GALNT7: variants seen among roughly 807,000 people sequenced by gnomAD.
The protein encoded by GALNT7 is polypeptide N-acetylgalactosaminyltransferase 7.
GALNT7 carries 60 observed loss-of-function variants against 82.1 expected under a neutral mutation model. The observed-to-expected ratio is 0.73, with a 90% CI of 0.59 to 0.91. The LOEUF (loss-of-function observed/expected upper bound fraction) is 0.91. GALNT7 is among the 40% of genes least tolerant of loss of function. The pLI, the probability that GALNT7 is intolerant of heterozygous loss-of-function variation, is 0.00. For synonymous variants in GALNT7, 243 were observed against 275.1 expected (o/e 0.88, Z 1.15); for missense variants, 660 against 804.2 (o/e 0.82, Z 2.17).
chr4:173,279,316 A>G (rs535858651), intron 2 of GALNT7, among the ~76,000 whole-genome samples: 76 of 152,108 alleles, frequency 5.0e-4, no homozygotes, highest in African/African-American at 1.8e-3. Flanking sequence ...TAAACAACCA[A>G]ATCTCACCAG....
chr4:173,224,707 G>A (rs571664522), intron 1 of GALNT7, among the ~76,000 whole-genome samples: 1 of 152,116 alleles, frequency 6.6e-6, no homozygotes, highest in Admixed American at 6.6e-5. Context: ...CTGTCCCTGG[G>A]GAGTTTTTAA....
At chr4:173,174,419 T>C (rs1034912228) in intron 1 of GALNT7, among the ~76,000 whole-genome samples, 1 of 152,254 alleles carries the variant, frequency 6.6e-6, no homozygotes, top group East Asian at 1.9e-4. Context: ...GCTAATTTTA[T>C]GGAAGGCACA....
intron 1 of GALNT7, among the ~76,000 whole-genome samples, chr4:173,211,628 G>A (rs2126672035): frequency 6.6e-6 from 1 of 152,354 alleles, no homozygotes; most frequent in Non-Finnish European, 1.5e-5. Context: ...GAAATTTAAT[G>A]TAAAATATCC....
rs1736558473 is a variant in GALNT7 at position 173,292,068 on chromosome 4, A to G, written c.588-40A>G. The G allele has an allele frequency of 7.1e-7, 1 of 1,408,166 alleles. No individual in the cohort carries two copies. 87.2% of individuals were successfully genotyped at this position (1,408,166 alleles called of 1,614,324 possible). A position where few individuals can be genotyped will look rare whatever the true frequency, so the allele number is the denominator to read the frequency against. ...GTCAGCTTGGAGCCAAGCAGTATAG[A>G]TTACCTGTAAATAAATATGATGAAA... On this transcript the variant is annotated intron_variant, in intron 2 of 11. Coordinates refer to ENST00000265000, the MANE Select transcript of GALNT7 (RefSeq NM_017423.3). This position sits in a 1 kb window ranked among gnomAD's most constrained non-coding sequence, Gnocchi z 4.8.
At chr4:173,294,050 T>C (rs1194650688) in intron 3 of GALNT7, among the ~76,000 whole-genome samples, 2 of 152,198 alleles carry the variant, frequency 1.3e-5, no homozygotes, top group Admixed American at 1.3e-4. Flanking sequence ...TGTACCACAG[T>C]GTGAAATACA....
rs373071789 is a variant in GALNT7 at position 173,298,305 on chromosome 4, C to T, written c.1148+8C>T. On this transcript the variant is annotated splice_region_variant and intron_variant, in intron 6 of 11. Transcript: ENST00000265000. ...AAAAACTGAACCGTATCGGTAATCA[C>T]TAAATCACTTACATATTTTTCTTTT... 5.9e-6 allele frequency: 9 copies of T among 1,531,716 alleles called. No homozygotes were observed. Among genetic ancestry groups the T allele is most frequent in the Non-Finnish European group, 7.9e-6 (9 of 1,142,788 alleles). The allele number at this position is 1,531,716 out of a possible 1,614,324, so 94.9% of individuals were successfully genotyped here.
chr4:173,318,969 C>G (rs1737705132), intron 11 of GALNT7, among the ~76,000 whole-genome samples: 1 of 151,854 alleles, frequency 6.6e-6, no homozygotes, highest in Non-Finnish European at 1.5e-5. Context: ...TTGATATTGT[C>G]CAGCAGGTGG....
chr4:173,236,578 A>G (rs1226365508), intron 1 of GALNT7, among the ~76,000 whole-genome samples: 3 of 152,158 alleles, frequency 2.0e-5, no homozygotes, highest in Non-Finnish European at 4.4e-5. Flanking sequence ...ACTTGCCAGT[A>G]TCTCAAGTTT....
At position 173,248,268 on chromosome 4, in the gene GALNT7, G is replaced by A; in HGVS notation, c.415G>A (p.Glu139Lys). The A allele has an allele frequency of 6.2e-7, 1 of 1,613,976 alleles. No individual in the cohort carries two copies. The highest frequency in any genetic ancestry group is 8.5e-7 in the Non-Finnish European group (1 of 1,179,912). ...GATCCTCGGTAACTTTGAACCCAAA[G>A]AACCTGAGCCTCCTGGAGTGGTTGG... ...PGILGNFEPK[E>K]PEPPGVVGGP... is the part of the protein sequence containing the mutation. Residue 139 changes from glutamate to lysine, a missense_variant, in exon 2 of 12, where the codon GAA becomes AAA. Glu to Lys is a moderately conservative substitution (Grantham distance 56). Transcript: ENST00000265000.
chr4:173,303,323 GA>G (rs1188573343), intron 7 of GALNT7, among the ~76,000 whole-genome samples: 6 of 152,126 alleles, frequency 3.9e-5, no homozygotes. Context: ...GTAGCATGGG[GA>G]AAAGTACAAA....
intron 6 of GALNT7, 88 bp downstream of exon 6, chr4:173,298,385 A>G: frequency 1.2e-6 from 1 of 819,856 alleles, no homozygotes; most frequent in East Asian, 2.7e-5. Flanking sequence ...TCGTTATTAA[A>G]ACTGTAGATG....
chr4:173,251,740 A>C (rs1360481960), intron 2 of GALNT7, among the ~76,000 whole-genome samples: 1 of 152,202 alleles, frequency 6.6e-6, no homozygotes, highest in African/African-American at 2.4e-5. Flanking sequence ...GTGCCTAGAA[A>C]TAGGACATTG....
chr4:173,248,536 T>C (rs1010342512), intron 2 of GALNT7, 96 bp downstream of exon 2: 3 of 751,892 alleles, frequency 4.0e-6, no homozygotes, highest in African/African-American at 3.5e-5. Context: ...AAATAATTAT[T>C]GATGCCTTTA....
At chr4:173,210,557 G>A (rs768453925) in intron 1 of GALNT7, among the ~76,000 whole-genome samples, 1 of 151,958 alleles carries the variant, frequency 6.6e-6, no homozygotes, top group African/African-American at 2.4e-5. Context: ...GAGTCCTAGC[G>A]ATCCACCTGC....
chr4:173,240,461 C>G (rs529864614), intron 1 of GALNT7, among the ~76,000 whole-genome samples: 1 of 149,742 alleles, frequency 6.7e-6, no homozygotes, highest in African/African-American at 2.5e-5. Flanking sequence ...CTCTGCCTCC[C>G]GAGTTCAAGA....
intron 8 of GALNT7, among the ~76,000 whole-genome samples, chr4:173,313,233 A>G (rs547460110): frequency 6.6e-5 from 10 of 151,148 alleles, no homozygotes; most frequent in Non-Finnish European, 1.2e-4. Flanking sequence ...TTCTGAAATG[A>G]TATTTTTTTC....
At chr4:173,190,007 T>C (rs76126589) in intron 1 of GALNT7, among the ~76,000 whole-genome samples, 3 of 151,948 alleles carry the variant, frequency 2.0e-5, no homozygotes, top group Non-Finnish European at 2.9e-5. Flanking sequence ...TTTTTTTTTT[T>C]CTCTTACATA....
intron 6 of GALNT7, among the ~76,000 whole-genome samples, chr4:173,300,934 G>A (rs1226008657): frequency 2.0e-5 from 3 of 152,046 alleles, no homozygotes; most frequent in Non-Finnish European, 2.9e-5. Flanking sequence ...AGGAGTTCTA[G>A]ACCAGTCTGA....
chr4:173,222,580 C>T (rs1251836701), intron 1 of GALNT7, among the ~76,000 whole-genome samples: 3 of 152,150 alleles, frequency 2.0e-5, no homozygotes, highest in African/African-American at 7.2e-5. Context: ...AAACTTTATG[C>T]CTGCCCTTCC....
Sources: gnomAD v4.1 joint callset for allele counts (sites outside exome capture counted in the v4.1 genomes callset) on GRCh38, gnomAD v4.1.1 for gene constraint, Gnocchi (gnomAD v3.1) non-coding constraint, MANE v1.5 for transcripts, NCBI Gene and HGNC (gene_info 2026-07-23, HGNC 2026-07-21) for gene names.